Variants in GMPR observed in about 807,000 individuals in gnomAD.
GMPR encodes GMP reductase 1.
GMPR carries 31 observed loss-of-function variants against 38.4 expected under a neutral mutation model. The ratio of observed to expected loss-of-function variants is 0.81; its 90% CI spans 0.61 to 1.09. GMPR has a LOEUF of 1.09. GMPR is among the 50% of genes least tolerant of loss of function. The pLI is 0.00. For synonymous variants in GMPR, 162 were observed against 173.3 expected (o/e 0.93, Z 0.51); for missense variants, 468 against 453.7 (o/e 1.03, Z -0.29).
Position 16,238,793 on chromosome 6 carries a change from C to G in GMPR, c.87+13C>G, listed in dbSNP as rs1186605573. 7.0e-7 allele frequency: 1 copy of G among 1,420,270 alleles called. No individual in the cohort carries two copies. The allele number at this position is 1,420,270 out of a possible 1,614,324, so 88.0% of individuals were successfully genotyped here. A position where few individuals can be genotyped will look rare whatever the true frequency, so the allele number is the denominator to read the frequency against. On this transcript the variant is annotated intron_variant, in intron 1 of 8. Coordinates refer to ENST00000259727, the MANE Select transcript of GMPR (RefSeq NM_006877.4). The stretch of plus-strand genomic sequence containing the variant: ...GAGCCGAGCCGAGGTGGGGGACGTT[C>G]GGAAGTCGCAGTGGGGTGGGATTTT...
chr6:16,287,347 A>C (rs1430008871), intron 7 of GMPR, among the ~76,000 whole-genome samples: 1 of 152,202 alleles, frequency 6.6e-6, no homozygotes, highest in East Asian at 1.9e-4. Flanking sequence ...CTCTCTGTAC[A>C]GAGGGAGAGC....
chr6:16,278,989 G>T, intron 6 of GMPR, 99 bp downstream of exon 6: 1 of 729,018 alleles, frequency 1.4e-6, no homozygotes, highest in Non-Finnish European at 2.4e-6. Context: ...GGCATGGGAG[G>T]GAGCTGGGCA....
chr6:16,246,823 CTTTT>C lies in GMPR; in HGVS notation c.88-13_88-10del. The C allele has an allele frequency of 1.3e-6, 2 of 1,571,008 alleles. No individual in the cohort carries two copies. Among genetic ancestry groups the C allele is most frequent in the Non-Finnish European group, 1.7e-6 (2 of 1,151,536 alleles). ...CACTCATTTCTTTCCCTTTTTCTTT[CTTTT>C]TTTTTGGCCAACAGGTGGATCTTGA... On this transcript the variant is annotated splice_polypyrimidine_tract_variant and intron_variant, in intron 1 of 8. Transcript: ENST00000259727.
At chr6:16,248,422 G>C (rs1758802706) in intron 2 of GMPR, among the ~76,000 whole-genome samples, 1 of 151,344 alleles carries the variant, frequency 6.6e-6, no homozygotes, top group Non-Finnish European at 1.5e-5. Context: ...GATGTGGAAT[G>C]TCTGCTGCAC....
At chr6:16,242,984 C>T (rs1012914173) in intron 1 of GMPR, among the ~76,000 whole-genome samples, 1 of 152,068 alleles carries the variant, frequency 6.6e-6, no homozygotes, top group Admixed American at 6.6e-5. Context: ...CTTGATCTCA[C>T]CTTAGCTTGA....
chr6:16,258,871 C>T (rs544581868), intron 4 of GMPR, among the ~76,000 whole-genome samples: 17 of 152,234 alleles, frequency 1.1e-4, no homozygotes, highest in Admixed American at 3.3e-4. Context: ...AGTGTTATTA[C>T]GATTGTTACA....
chr6:16,266,152 CACTTGCCATCTTTAAGAGCTGTAA>C (rs1424875054), intron 4 of GMPR, among the ~76,000 whole-genome samples: 2 of 121,642 alleles, frequency 1.6e-5, no homozygotes, highest in African/African-American at 4.6e-5. Context: ...AGAGCTGTAA[CACTTGCCATCTTTAAGAGCTGTAA>C]CACTTGCCAT....
At chr6:16,247,515 C>G (rs528463652) in intron 2 of GMPR, among the ~76,000 whole-genome samples, 1 of 152,262 alleles carries the variant, frequency 6.6e-6, no homozygotes, top group East Asian at 1.9e-4. Flanking sequence ...GCTAGGACTA[C>G]AGGCACATGC....
intron 4 of GMPR, among the ~76,000 whole-genome samples, chr6:16,256,842 T>C (rs1293278490): frequency 3.3e-5 from 5 of 152,206 alleles, no homozygotes; most frequent in African/African-American, 7.2e-5. Flanking sequence ...CCTTTGTAAT[T>C]TCCAGAGTGA....
At chr6:16,245,105 C>CAG (rs1220830508) in intron 1 of GMPR, among the ~76,000 whole-genome samples, 1 of 152,218 alleles carries the variant, frequency 6.6e-6, no homozygotes, top group Non-Finnish European at 1.5e-5. Context: ...TAGCCACACA[C>CAG]AGGGTTGCTA....
At chr6:16,284,632 C>T (rs1056213456) in intron 6 of GMPR, among the ~76,000 whole-genome samples, 4 of 152,196 alleles carry the variant, frequency 2.6e-5, no homozygotes, top group African/African-American at 9.7e-5. Context: ...CTCCAGCGTA[C>T]TGTTGCTGTC....
chr6:16,293,185 C>A (rs1192762826), intron 8 of GMPR, among the ~76,000 whole-genome samples: 2 of 152,210 alleles, frequency 1.3e-5, no homozygotes, highest in Non-Finnish European at 2.9e-5. Context: ...AAAGTACCTT[C>A]ATTTTACGGA....
At chr6:16,272,842 T>A (rs72833485) in intron 4 of GMPR, among the ~76,000 whole-genome samples, 7,457 of 152,218 alleles carry the variant, frequency 0.049, 344 homozygotes, top group East Asian at 0.14. Context: ...TTCTTTTTTT[T>A]ACATAGAGAT....
At chr6:16,282,195 A>G (rs868639628) in intron 6 of GMPR, among the ~76,000 whole-genome samples, 1 of 152,248 alleles carries the variant, frequency 6.6e-6, no homozygotes, top group Non-Finnish European at 1.5e-5. Flanking sequence ...GATACCCAAG[A>G]GGCTGGGCTT....
chr6:16,289,458 C>A (rs1759784900), intron 7 of GMPR: 1 of 152,224 alleles, frequency 6.6e-6, no homozygotes, highest in African/African-American at 2.4e-5. Flanking sequence ...GTGCTGTGCA[C>A]TTTGGATCAA....
At chr6:16,290,749 A>C in intron 8 of GMPR, 128 bp downstream of exon 8, 1 of 751,184 alleles carries the variant, frequency 1.3e-6, no homozygotes, top group South Asian at 1.8e-5. Context: ...TTCTTTTTAA[A>C]GACCCCTAAT....
intron 4 of GMPR, among the ~76,000 whole-genome samples, chr6:16,261,114 T>A (rs1042130153): frequency 2.0e-5 from 3 of 151,844 alleles, no homozygotes; most frequent in Admixed American, 1.3e-4. Flanking sequence ...AACAGTAAGG[T>A]CAAGTTGTTT....
chr6:16,266,527 G>T (rs1239610122), intron 4 of GMPR, among the ~76,000 whole-genome samples: 2 of 150,694 alleles, frequency 1.3e-5, no homozygotes, highest in Non-Finnish European at 3.0e-5. Flanking sequence ...ACACGGCTGG[G>T]CGCGGTGGCT....
chr6:16,284,762 G>C (rs1759642331), intron 6 of GMPR, among the ~76,000 whole-genome samples: 1 of 152,114 alleles, frequency 6.6e-6, no homozygotes, highest in South Asian at 2.1e-4. Context: ...GTGCACGCCT[G>C]TAATCCCAGC....
Sources: allele counts gnomAD v4.1 joint callset (sites outside exome capture counted in the v4.1 genomes callset), GRCh38; gene constraint gnomAD v4.1.1; transcripts MANE v1.5; gene names NCBI Gene and HGNC (gene_info 2026-07-23, HGNC 2026-07-21).